Variants in NKAIN2 observed in about 807,000 individuals in gnomAD.
NKAIN2 encodes the protein sodium/potassium-transporting ATPase subunit beta-1-interacting protein 2.
NKAIN2 carries 14 observed loss-of-function variants against 32.6 expected under a neutral mutation model. The observed-to-expected ratio is 0.43, with a 90% CI of 0.28 to 0.67. NKAIN2 has a LOEUF of 0.67. Ranked by LOEUF, NKAIN2 falls within the 30% of genes least tolerant of loss-of-function variation. The pLI is 0.17. For missense variants in NKAIN2, 198 were observed against 258.3 expected (o/e 0.77, Z 1.60); for synonymous variants, 80 against 87.2 (o/e 0.92, Z 0.46).
chr6:124,009,871 T>C (rs1004317147), intron 1 of NKAIN2, among the ~76,000 whole-genome samples: 2 of 152,128 alleles, frequency 1.3e-5, no homozygotes, highest in Non-Finnish European at 2.9e-5. Context: ...GACTCCCATT[T>C]TATATGCGTA....
At chr6:123,858,123 T>TTA (rs1775632160) in intron 1 of NKAIN2, among the ~76,000 whole-genome samples, 1 of 151,618 alleles carries the variant, frequency 6.6e-6, no homozygotes, top group African/African-American at 2.4e-5. Context: ...TATTATTATT[T>TTA]TTTTTTTTTT....
intron 3 of NKAIN2, among the ~76,000 whole-genome samples, chr6:124,513,646 A>G (rs994779327): frequency 2.6e-5 from 4 of 152,114 alleles, no homozygotes; most frequent in Non-Finnish European, 2.9e-5. Flanking sequence ...CCCACCTCCA[A>G]TGGTTTTGGT....
chr6:124,209,721 T>G (rs1460712545), intron 1 of NKAIN2, among the ~76,000 whole-genome samples: 1 of 151,884 alleles, frequency 6.6e-6, no homozygotes, highest in Non-Finnish European at 1.5e-5. Context: ...GGTTGAGCAT[T>G]TTTTTCATAT....
intron 1 of NKAIN2, among the ~76,000 whole-genome samples, chr6:123,807,020 A>G (rs1773246016): frequency 6.6e-6 from 1 of 152,054 alleles, no homozygotes; most frequent in Non-Finnish European, 1.5e-5. Context: ...CGGTGTTTTG[A>G]CCATTTAACA....
At chr6:123,813,013 G>A (rs1037774304) in intron 1 of NKAIN2, among the ~76,000 whole-genome samples, 2 of 152,236 alleles carry the variant, frequency 1.3e-5, no homozygotes, top group Non-Finnish European at 2.9e-5. Context: ...TGTTACATGT[G>A]AACTGTTCGG....
At chr6:124,344,405 C>T (rs1460937203) in intron 2 of NKAIN2, among the ~76,000 whole-genome samples, 3 of 151,722 alleles carry the variant, frequency 2.0e-5, no homozygotes, top group Non-Finnish European at 4.4e-5. Context: ...GGCATTGAAT[C>T]TATAAATTAC....
intron 4 of NKAIN2, among the ~76,000 whole-genome samples, chr6:124,735,812 T>C (rs1582129): frequency 0.98 from 148,277 of 151,938 alleles, 72,443 homozygotes; most frequent in East Asian, 1. Flanking sequence ...ATATGTGTTC[T>C]GACTGCTCAA....
chr6:124,017,459 C>T (rs1355739261), intron 1 of NKAIN2, among the ~76,000 whole-genome samples: 2 of 152,108 alleles, frequency 1.3e-5, no homozygotes, highest in African/African-American at 4.8e-5. Context: ...CTCTAAAGTA[C>T]ATAGTACAAA....
chr6:124,401,669 G>C (rs902302613), intron 3 of NKAIN2, among the ~76,000 whole-genome samples: 2 of 152,068 alleles, frequency 1.3e-5, no homozygotes, highest in Admixed American at 6.6e-5. Flanking sequence ...GCATTTTCCT[G>C]ATTACTCGTG....
intron 1 of NKAIN2, among the ~76,000 whole-genome samples, chr6:124,085,699 T>TA (rs1193862842): frequency 1.4e-4 from 22 of 152,150 alleles, no homozygotes; most frequent in African/African-American, 5.3e-4. Flanking sequence ...ATGCTTCTGA[T>TA]ACATAAGTGA....
chr6:124,136,932 C>T (rs1032235684), intron 1 of NKAIN2, among the ~76,000 whole-genome samples: 3 of 151,940 alleles, frequency 2.0e-5, no homozygotes, highest in Non-Finnish European at 2.9e-5. Flanking sequence ...TGAAAGTATT[C>T]CCCCCTGAGA....
At chr6:123,894,131 A>ATT (rs11384300) in intron 1 of NKAIN2, among the ~76,000 whole-genome samples, 1 of 151,420 alleles carries the variant, frequency 6.6e-6, no homozygotes, top group African/African-American at 2.4e-5. Context: ...TCTGTTTGGC[A>ATT]TTTTTTTCAG....
chr6:124,643,883 A>G (rs976063940), intron 3 of NKAIN2, among the ~76,000 whole-genome samples: 1 of 152,202 alleles, frequency 6.6e-6, no homozygotes, highest in African/African-American at 2.4e-5. Context: ...TCTAGCCCCC[A>G]TTACTTACTA....
chr6:124,597,593 G>A (rs1297320120), intron 3 of NKAIN2, among the ~76,000 whole-genome samples: 1 of 151,936 alleles, frequency 6.6e-6, no homozygotes, highest in Non-Finnish European at 1.5e-5. Context: ...AAATGCCTTG[G>A]GAATAGCAAC....
At chr6:124,682,126 T>TA (rs1398101434) in intron 4 of NKAIN2, among the ~76,000 whole-genome samples, 4 of 151,840 alleles carry the variant, frequency 2.6e-5, no homozygotes, top group Admixed American at 1.3e-4. Flanking sequence ...TTTTCACCAG[T>TA]AAAAAATGTT....
Position 124,428,758 on chromosome 6 carries a change from T to G in NKAIN2, c.273+73411T>G, listed in dbSNP as rs1775085063. 2.0e-5 allele frequency among the ~76,000 whole-genome samples: 3 copies of G among 152,262 alleles called. No homozygotes were observed. The South Asian group carries it at 6.2e-4, about 32-fold the overall frequency. ...AGATTAAATACAGGATTTTGTAACT[T>G]GATTCTCTGATATTACCAAATTAAT... On this transcript the variant is annotated intron_variant, in intron 3 of 6. Transcript: ENST00000368417.
intron 4 of NKAIN2, among the ~76,000 whole-genome samples, chr6:124,735,320 CA>C (rs1168337632): frequency 6.6e-6 from 1 of 151,780 alleles, no homozygotes; most frequent in Non-Finnish European, 1.5e-5. Context: ...CCAGTATTTT[CA>C]ACTATAAAGT....
chr6:124,473,396 T>G (rs1777054925), intron 3 of NKAIN2, among the ~76,000 whole-genome samples: 1 of 152,176 alleles, frequency 6.6e-6, no homozygotes, highest in South Asian at 2.1e-4. Flanking sequence ...ACTTTAAAAT[T>G]TGAAAAACAT....
At chr6:124,194,964 T>C (rs1385076760) in intron 1 of NKAIN2, among the ~76,000 whole-genome samples, 1 of 150,456 alleles carries the variant, frequency 6.6e-6, no homozygotes, top group East Asian at 2.0e-4. Context: ...AATGAAGAGG[T>C]GAAAGTTTCA....
Sources: gnomAD v4.1 joint callset for allele counts (sites outside exome capture counted in the v4.1 genomes callset) on GRCh38, gnomAD v4.1.1 for gene constraint, MANE v1.5 for transcripts, NCBI Gene and HGNC (gene_info 2026-07-23, HGNC 2026-07-21) for gene names.